Variants in VEGFC observed in about 807,000 individuals in gnomAD.
VEGFC encodes FLT4 ligand DHM.
Under a neutral mutation model 46.1 loss-of-function variants are expected in VEGFC, and 12 were observed. The observed-to-expected ratio is 0.26, with a 90% CI of 0.17 to 0.42. The LOEUF is 0.42. Among genes scored for constraint, VEGFC ranks in the 10% least tolerant of loss-of-function variants. The pLI, the probability that VEGFC is intolerant of heterozygous loss-of-function variation, is 1.00. For synonymous variants in VEGFC, 232 were observed against 195.5 expected (o/e 1.19, Z -1.56); for missense variants, 488 against 529.4 (o/e 0.92, Z 0.77).
Position 176,763,064 on chromosome 4 carries a change from AGC to A in VEGFC, c.147+29099_147+29100del, listed in dbSNP as rs1267565355. Among the ~76,000 whole-genome samples, 38 of 152,382 alleles carry A rather than the reference AGC, an allele frequency of 2.5e-4. 1 individual carries two copies. The highest frequency in any genetic ancestry group is 8.9e-4 in the African/African-American group (37 of 41,594). ...CCTCCTTGGGATATAATCAGGAGAA[AGC>A]TCTCATCCTAGTTGTGGTCTGAAGT... On this transcript the variant is annotated intron_variant, in intron 1 of 6. Coordinates refer to ENST00000618562, the MANE Select transcript of VEGFC (RefSeq NM_005429.5).
intron 1 of VEGFC, among the ~76,000 whole-genome samples, chr4:176,739,187 C>T (rs908280918): frequency 1.3e-5 from 2 of 151,686 alleles, no homozygotes; most frequent in African/African-American, 4.8e-5. Context: ...GAAAAAGGAA[C>T]CCTTTACACT....
At chr4:176,724,855 G>A (rs1734845521) in intron 3 of VEGFC, among the ~76,000 whole-genome samples, 1 of 152,134 alleles carries the variant, frequency 6.6e-6, no homozygotes, top group South Asian at 2.1e-4. Flanking sequence ...TTATGTGGGA[G>A]CTAAACGAGT....
intron 1 of VEGFC, among the ~76,000 whole-genome samples, chr4:176,784,960 G>A (rs778073882): frequency 6.6e-6 from 1 of 152,024 alleles, no homozygotes; most frequent in Non-Finnish European, 1.5e-5. Flanking sequence ...TCCATACCCT[G>A]TGCTCTTATC....
At chr4:176,691,349 T>C (rs1734176239) in intron 4 of VEGFC, among the ~76,000 whole-genome samples, 1 of 152,210 alleles carries the variant, frequency 6.6e-6, no homozygotes, top group South Asian at 2.1e-4. Context: ...ATAAAAGACA[T>C]TGATTCAAAG....
intron 4 of VEGFC, among the ~76,000 whole-genome samples, chr4:176,701,562 T>C (rs1415116532): frequency 1.3e-5 from 2 of 152,154 alleles, no homozygotes; most frequent in Non-Finnish European, 2.9e-5. Context: ...GCAAACTATA[T>C]ATAAAAGTTA....
chr4:176,711,504 T>A lies in VEGFC; in HGVS notation c.699A>T (p.Leu233=). 4 of 1,612,136 alleles carry A rather than the reference T, an allele frequency of 2.5e-6. No homozygotes were observed. In the South Asian group the frequency reaches 3.3e-5, roughly 13 times the overall value. The change falls in exon 4 of 7, where the codon CTA becomes CTT. Residue 233 remains leucine (L), a synonymous_variant. Transcript: ENST00000618562. ...TAGATTTAATTCATACTCACTGTGG[T>A]AGTGTTGCTGGCAGGGAACGTCTAA... ...SIIRRSLPAT[L]PQCQAANKTC...
intron 4 of VEGFC, among the ~76,000 whole-genome samples, chr4:176,702,933 G>A (rs1734459607): frequency 6.6e-6 from 1 of 152,050 alleles, no homozygotes; most frequent in East Asian, 1.9e-4. Flanking sequence ...AAAACATAAT[G>A]TCAAGAGAAA....
In VEGFC at chr4:176,792,862, C is replaced by G. The variant is rs998281252; in HGVS notation, c.-551G>C. The G allele has an allele frequency of 6.7e-6, 1 of 149,916 alleles. No homozygotes were observed. Among genetic ancestry groups the G allele is most frequent in the African/African-American group, 2.5e-5 (1 of 40,716 alleles). 9.3% of individuals were successfully genotyped at this position (149,916 alleles called of 1,614,324 possible). On this transcript the variant is annotated 5_prime_UTR_variant, in exon 1 of 7. Coordinates refer to ENST00000618562, the MANE Select transcript of VEGFC (RefSeq NM_005429.5). This position sits in a 1 kb window ranked among gnomAD's most constrained non-coding sequence, Gnocchi z 6.3. ...GCCCGGGAGCGCCGCGGCGCAGGAT[C>G]CTCCAGAGCGCGCCGGGCTGAGCGG...
Position 176,691,453 on chromosome 4 carries a change from C to CCCCCACCGA in VEGFC, c.705-3535_705-3527dup, listed in dbSNP as rs1020649127. 4.6e-5 allele frequency among the ~76,000 whole-genome samples: 7 copies of CCCCCACCGA among 152,058 alleles called. No individual in the cohort carries two copies. In the East Asian group the frequency reaches 1.4e-3, roughly 29 times the overall value. ...ATGTGAATAAACTAACTTTCCTATC[C>CCCCCACCGA]CCCCACCGACCCCACCACACACACA... is the stretch of plus-strand genomic sequence containing the variant. On this transcript the variant is annotated intron_variant, in intron 4 of 6. Transcript: ENST00000618562.
At chr4:176,747,612 C>T (rs1046266615) in intron 1 of VEGFC, among the ~76,000 whole-genome samples, 4 of 151,892 alleles carry the variant, frequency 2.6e-5, no homozygotes, top group South Asian at 2.1e-4. Context: ...GGCAATACAG[C>T]GAGACCCCCA....
intron 1 of VEGFC, among the ~76,000 whole-genome samples, chr4:176,786,060 A>C (rs570205297): frequency 5.9e-5 from 9 of 152,188 alleles, no homozygotes; most frequent in Non-Finnish European, 1.0e-4. Context: ...TGGCCACTGT[A>C]ATGAGAAAGG....
rs763835553 is a variant in VEGFC, at chr4:176,713,894, T to A, written c.553-2244A>T. Among the ~76,000 whole-genome samples the A allele has an allele frequency of 2.1e-4, 32 of 152,214 alleles. 1 individual carries two copies. The Middle Eastern group carries it at 0.02, about 97-fold the overall frequency. On this transcript the variant is annotated intron_variant, in intron 3 of 6. Transcript: ENST00000618562. ...TGTGTGGTCACAGGGCCACATGTCT[T>A]CGGGAAGTCAAATGTAACAAGAATT...
chr4:176,693,602 G>A (rs1397549129), intron 4 of VEGFC, among the ~76,000 whole-genome samples: 11 of 146,240 alleles, frequency 7.5e-5, no homozygotes, highest in South Asian at 4.2e-4. Flanking sequence ...GCAGGCCAAC[G>A]TTCAGATTCA....
chr4:176,740,021 TCGATATATCGAATATATATAACTATTC>T (rs1735131959), intron 1 of VEGFC, among the ~76,000 whole-genome samples: 2 of 83,118 alleles, frequency 2.4e-5, no homozygotes, highest in Admixed American at 1.6e-4. Flanking sequence ...AACTATATAT[TCGATATATCGAATATATATAACTATTC>T]GATATATAGA....
chr4:176,684,237 TAA>T (rs1232303907), intron 6 of VEGFC, among the ~76,000 whole-genome samples, 197 bp from the exon 7 acceptor site: 5 of 152,230 alleles, frequency 3.3e-5, no homozygotes, highest in Admixed American at 2.0e-4. Context: ...AGCCTTAAAA[TAA>T]AAGTCTTGCT....
chr4:176,688,270 T>A (rs764490099), intron 4 of VEGFC, among the ~76,000 whole-genome samples: 26 of 152,224 alleles, frequency 1.7e-4, no homozygotes, highest in Non-Finnish European at 2.8e-4. Context: ...ATACAATATA[T>A]CATGGACATT....
intron 6 of VEGFC, 49 bp from the exon 7 acceptor site, chr4:176,684,089 A>T: frequency 7.7e-7 from 1 of 1,305,860 alleles, no homozygotes; most frequent in South Asian, 1.2e-5. Context: ...AAGGCAATGG[A>T]TTCATCATGC....
intron 4 of VEGFC, among the ~76,000 whole-genome samples, chr4:176,698,241 ACT>A (rs1355533983): frequency 6.6e-6 from 1 of 151,482 alleles, no homozygotes; most frequent in East Asian, 1.9e-4. Context: ...CATATTCTAC[ACT>A]CTTTGCCACG....
intron 1 of VEGFC, among the ~76,000 whole-genome samples, chr4:176,768,299 T>C (rs1735663753): frequency 1.3e-5 from 2 of 151,546 alleles, no homozygotes; most frequent in Non-Finnish European, 2.9e-5. Context: ...AGAGAGTGAA[T>C]AGAAATGAAA....
Sources: gnomAD v4.1 joint callset for allele counts (sites outside exome capture counted in the v4.1 genomes callset) on GRCh38, gnomAD v4.1.1 for gene constraint, Gnocchi (gnomAD v3.1) non-coding constraint, MANE v1.5 for transcripts, NCBI Gene and HGNC (gene_info 2026-07-23, HGNC 2026-07-21) for gene names.